Variants in ABLIM1 observed in about 807,000 individuals in gnomAD.
ABLIM1 encodes actin-binding LIM protein 1.
ABLIM1 carries 40 observed loss-of-function variants against 107.0 expected under a neutral mutation model. That is an observed-to-expected ratio of 0.37 (90% CI 0.29 to 0.49). The LOEUF (loss-of-function observed/expected upper bound fraction) is 0.49. Among genes scored for constraint, ABLIM1 ranks in the 20% least tolerant of loss-of-function variants. ABLIM1 has a pLI of 0.97. For missense variants in ABLIM1, 857 were observed against 1,008.5 expected (o/e 0.85, Z 2.04); for synonymous variants, 357 against 357.3 (o/e 1.00, Z 0.01).
chr10:114,727,801 AAAAGTTAG>A (rs1413115089), intron 1 of ABLIM1, among the ~76,000 whole-genome samples: 9 of 152,188 alleles, frequency 5.9e-5, no homozygotes, highest in African/African-American at 2.2e-4. Flanking sequence ...CAAAAAATAC[AAAAGTTAG>A]CCAGGCATGG....
At chr10:114,504,456 A>C (rs1395827150) in intron 6 of ABLIM1, among the ~76,000 whole-genome samples, 1 of 152,202 alleles carries the variant, frequency 6.6e-6, no homozygotes, top group African/African-American at 2.4e-5. Flanking sequence ...GTTTAAAGTA[A>C]GTATTCTTTT....
At chr10:114,679,262 T>C (rs147504897) in intron 1 of ABLIM1, among the ~76,000 whole-genome samples, 358 of 152,332 alleles carry the variant, frequency 2.4e-3, no homozygotes, top group Non-Finnish European at 3.6e-3. Flanking sequence ...AAAAGTGTGC[T>C]GCCTGCTCTT....
At chr10:114,630,239 T>C (rs2078084789) in intron 1 of ABLIM1, among the ~76,000 whole-genome samples, 2 of 152,164 alleles carry the variant, frequency 1.3e-5, no homozygotes, top group Non-Finnish European at 2.9e-5. Flanking sequence ...TTCCCATCAC[T>C]CATAAATTAC....
chr10:114,635,440 C>T (rs906549414), intron 1 of ABLIM1, among the ~76,000 whole-genome samples: 3 of 152,244 alleles, frequency 2.0e-5, no homozygotes, highest in Non-Finnish European at 4.4e-5. Context: ...TGTACGTGCA[C>T]CTGTAGTGCA....
In ABLIM1 at chr10:114,447,984, A is replaced by T; in HGVS notation, c.1631T>A (p.Ile544Asn). The T allele has an allele frequency of 6.2e-7, 1 of 1,613,986 alleles. No individual in the cohort carries two copies. The highest frequency in any genetic ancestry group is 8.5e-7 in the Non-Finnish European group (1 of 1,179,980). Reference protein sequence around the residue: ...LAAQSKSSEDIIKFSKFPAAQ... With the variant: ...LAAQSKSSEDNIKFSKFPAAQ... ...TGCTGGGAACTTGGAAAACTTGATG[A>T]TATCTTCTGAGGACTTGCTCTGGGC... Residue 544 changes from isoleucine (I) to asparagine (N), a missense_variant, in exon 15 of 23, where the codon ATC (isoleucine) becomes AAC (asparagine). By Grantham distance (149) the Ile-to-Asn change is moderately radical. Around this residue, in one of 5 missense-constraint regions of ABLIM1, gnomAD observed 103 missense variants for 101.0 expected, o/e 1.02. Coordinates refer to ENST00000533213, the MANE Select transcript of ABLIM1 (RefSeq NM_002313.7).
chr10:114,519,277 A>T (rs1216276716), intron 6 of ABLIM1, among the ~76,000 whole-genome samples: 1 of 152,218 alleles, frequency 6.6e-6, no homozygotes, highest in Non-Finnish European at 1.5e-5. Flanking sequence ...AGACTAGATT[A>T]AATCTGTGGA....
chr10:114,755,712 G>A (rs553341045), intron 1 of ABLIM1, among the ~76,000 whole-genome samples: 16 of 152,288 alleles, frequency 1.1e-4, no homozygotes, highest in African/African-American at 3.4e-4. Flanking sequence ...CACTTTAGTC[G>A]TATCCCACAC....
chr10:114,584,768 G>T (rs369961572), intron 2 of ABLIM1, among the ~76,000 whole-genome samples: 1 of 152,066 alleles, frequency 6.6e-6, no homozygotes, highest in African/African-American at 2.4e-5. Context: ...ATGATAAAAC[G>T]GGCCCCACAG....
At chr10:114,706,067 A>G (rs2081414709) in intron 1 of ABLIM1, among the ~76,000 whole-genome samples, 1 of 152,216 alleles carries the variant, frequency 6.6e-6, no homozygotes, top group Non-Finnish European at 1.5e-5. Context: ...TCTCAAGTGC[A>G]AGAAAGACTA....
chr10:114,453,355 GAC>G (rs1258957685), intron 13 of ABLIM1, 22 bp downstream of exon 13: 1 of 1,609,936 alleles, frequency 6.2e-7, no homozygotes, highest in Non-Finnish European at 8.5e-7. Context: ...AGGACACCAA[GAC>G]ACAGACTGTG....
Position 114,465,776 on chromosome 10 carries a change from A to G in ABLIM1, c.1363T>C (p.Ser455Pro), listed in dbSNP as rs2065022897. 6.2e-7 allele frequency: 1 copy of G among 1,614,150 alleles called. No individual in the cohort carries two copies. Among genetic ancestry groups the G allele is most frequent in the Non-Finnish European group, 8.5e-7 (1 of 1,180,020 alleles). The change falls in exon 12 of 23, where the codon TCC becomes CCC. Residue 455 changes from serine to proline, a missense_variant. Ser to Pro is a moderately conservative substitution (Grantham distance 74, BLOSUM62 -1). Around this residue, in one of 5 missense-constraint regions of ABLIM1, gnomAD observed 381 missense variants for 506.9 expected, o/e 0.75. Coordinates refer to ENST00000533213, the MANE Select transcript of ABLIM1 (RefSeq NM_002313.7). ...RMIHRSTSQG[S>P]INSPVYSRHS... The stretch of plus-strand genomic sequence containing the variant: ...CGGCTGTACACAGGGGAGTTGATGG[A>G]GCCCTGGCTCGTGGACCGATGGATC...
chr10:114,788,297 CT>C, the ABLIM1 span, among the ~76,000 whole-genome samples: 2 of 140,634 alleles, frequency 1.4e-5, no homozygotes, highest in African/African-American at 2.6e-5. Flanking sequence ...CCAAATCCCC[CT>C]CTGCGAGAAA....
intron 2 of ABLIM1, among the ~76,000 whole-genome samples, chr10:114,580,695 A>AT (rs143074742): frequency 2.1e-4 from 32 of 151,720 alleles, no homozygotes; most frequent in Non-Finnish European, 4.0e-4. Flanking sequence ...GGTGAACATT[A>AT]TTTTTTTTTA....
chr10:114,485,275 C>T lies in ABLIM1; in HGVS notation c.1041+2683G>A, dbSNP rs573936289. The T allele has an allele frequency of 1.9e-6, 3 of 1,578,334 alleles. No homozygotes were observed. In the East Asian group the frequency reaches 6.9e-5, roughly 36 times the overall value. ...GGGCCCAGGACAGTGGCTTCGAGCC[C>T]CAGCCTAGACACAATGCCAACCTGC... On this transcript the variant is annotated intron_variant, in intron 8 of 22. Coordinates refer to ENST00000533213, the MANE Select transcript of ABLIM1 (RefSeq NM_002313.7).
rs191359824 is a variant in ABLIM1, at chr10:114,614,973, C to T, written c.245-13012G>A. ...GCTGAAGCAGGAGAATCGCTTGAAC[C>T]TGGGGGGCAGAGATTGCAGTGAGCC... On this transcript the variant is annotated intron_variant, in intron 1 of 22. Coordinates refer to ENST00000533213, the MANE Select transcript of ABLIM1 (RefSeq NM_002313.7). Among the ~76,000 whole-genome samples the T allele has an allele frequency of 6.3e-3, 956 of 151,144 alleles. 6 individuals carry two copies. The highest frequency in any genetic ancestry group is 0.022 in the African/African-American group (901 of 41,174).
At chr10:114,731,830 G>A (rs1187145367) in intron 1 of ABLIM1, among the ~76,000 whole-genome samples, 2 of 152,026 alleles carry the variant, frequency 1.3e-5, no homozygotes, top group African/African-American at 4.8e-5. Context: ...GGCTGGTCTT[G>A]AACCCCTGGC....
At chr10:114,638,088 C>T (rs2078569492) in intron 1 of ABLIM1, among the ~76,000 whole-genome samples, 1 of 152,096 alleles carries the variant, frequency 6.6e-6, no homozygotes, top group East Asian at 1.9e-4. Flanking sequence ...TGTGGGCTCT[C>T]TGAGGGAAAG....
chr10:114,436,940 G>C (rs2059496522), intron 22 of ABLIM1, among the ~76,000 whole-genome samples: 1 of 152,072 alleles, frequency 6.6e-6, no homozygotes, highest in Non-Finnish European at 1.5e-5. Context: ...TTCTTTCGGA[G>C]ACTGGCAGCC....
At position 114,753,319 on chromosome 10, in the gene ABLIM1, T is replaced by C. The variant is rs1319510687; in HGVS notation, c.-213+14742A>G. Among the ~76,000 whole-genome samples the C allele has an allele frequency of 2.4e-4, 36 of 152,232 alleles. 1 individual carries two copies. Among genetic ancestry groups the C allele is most frequent in the Admixed American group, 2.4e-3 (36 of 15,284 alleles). On this transcript the variant is annotated intron_variant, in intron 1 of 15. Coordinates refer to the ABLIM1 transcript ENST00000651092. ...GAGGAATTCTGTGCACCATGCTCTC[T>C]TTCCGTTATTTCTGAATCACCAGTA... is the stretch of plus-strand genomic sequence containing the variant.
Sources: allele counts gnomAD v4.1 joint callset (sites outside exome capture counted in the v4.1 genomes callset), GRCh38; gene constraint gnomAD v4.1.1; regional missense constraint gnomAD v4.1.1; transcripts MANE v1.5; gene names NCBI Gene and HGNC (gene_info 2026-07-23, HGNC 2026-07-21).